Variants in FRMD4A observed in about 807,000 individuals in gnomAD.
The protein encoded by FRMD4A is FERM domain containing 4A, also known as FERM domain-containing protein 4A.
Under a neutral mutation model 129.1 loss-of-function variants are expected in FRMD4A, and 29 were observed. The observed-to-expected ratio is 0.22, with a 90% confidence interval of 0.17 to 0.31. FRMD4A has a LOEUF of 0.31. Among genes scored for constraint, FRMD4A ranks in the 10% least tolerant of loss-of-function variants. FRMD4A has a pLI of 1.00. For synonymous variants in FRMD4A, 634 were observed against 571.6 expected (o/e 1.11, Z -1.56); for missense variants, 1,272 against 1,375.8 (o/e 0.92, Z 1.19).
At chr10:13,809,261 C>T (rs997063521) in intron 4 of FRMD4A, among the ~76,000 whole-genome samples, 2 of 152,166 alleles carry the variant, frequency 1.3e-5, no homozygotes, top group Non-Finnish European at 2.9e-5. Flanking sequence ...ATCACACGTT[C>T]GTTTTTCAAT....
intron 2 of FRMD4A, among the ~76,000 whole-genome samples, chr10:14,263,503 G>A (rs146227621): frequency 6.6e-6 from 1 of 152,188 alleles, no homozygotes; most frequent in Non-Finnish European, 1.5e-5. Flanking sequence ...ATTGCTCATT[G>A]TCAATTGCCT....
intron 5 of FRMD4A, among the ~76,000 whole-genome samples, chr10:13,794,171 C>A (rs538632568): frequency 6.6e-6 from 1 of 152,156 alleles, no homozygotes; most frequent in East Asian, 1.9e-4. Context: ...GCGGATGGAT[C>A]ACCTGAGGTC....
At chr10:13,773,629 A>G (rs1160902126) in intron 6 of FRMD4A, among the ~76,000 whole-genome samples, 1 of 152,244 alleles carries the variant, frequency 6.6e-6, no homozygotes, top group Non-Finnish European at 1.5e-5. Flanking sequence ...TAAAAAAACT[A>G]AACAGACTCT....
intron 2 of FRMD4A, among the ~76,000 whole-genome samples, chr10:14,215,748 G>A (rs1843055383): frequency 6.6e-6 from 1 of 152,114 alleles, no homozygotes. Flanking sequence ...ATGAGCGAAG[G>A]TCTACATTAA....
At chr10:13,992,250 G>A (rs1218882615) in intron 2 of FRMD4A, among the ~76,000 whole-genome samples, 1 of 152,182 alleles carries the variant, frequency 6.6e-6, no homozygotes, top group Admixed American at 6.5e-5. Context: ...GTGGTTCAAG[G>A]GGTTTCTACA....
intron 2 of FRMD4A, among the ~76,000 whole-genome samples, chr10:14,258,720 G>C (rs528527904): frequency 6.6e-6 from 1 of 152,112 alleles, no homozygotes; most frequent in Admixed American, 6.5e-5. Context: ...GAGCAGAAAC[G>C]TTCATAGTTG....
intron 2 of FRMD4A, among the ~76,000 whole-genome samples, chr10:14,060,543 A>G (rs1408469156): frequency 6.6e-6 from 1 of 152,168 alleles, no homozygotes; most frequent in Non-Finnish European, 1.5e-5. Context: ...AGTAGAAGGC[A>G]TTTTCATGTT....
At chr10:14,227,041 T>A (rs1390155469) in intron 2 of FRMD4A, among the ~76,000 whole-genome samples, 1 of 152,030 alleles carries the variant, frequency 6.6e-6, no homozygotes, top group Non-Finnish European at 1.5e-5. Context: ...ACACCCAGCC[T>A]CATGGCTGAC....
At chr10:14,068,398 G>A (rs1835161478) in intron 2 of FRMD4A, among the ~76,000 whole-genome samples, 1 of 152,146 alleles carries the variant, frequency 6.6e-6, no homozygotes, top group Non-Finnish European at 1.5e-5. Context: ...CCTGTGAATT[G>A]CATATTTTAT....
chr10:14,069,989 T>A (rs1013054871), intron 2 of FRMD4A, among the ~76,000 whole-genome samples: 1 of 152,182 alleles, frequency 6.6e-6, no homozygotes, highest in African/African-American at 2.4e-5. Context: ...AATTGCCATA[T>A]GCCTTAAAGA....
chr10:13,789,558 CCACACACACACACACA>C (rs3220780), intron 5 of FRMD4A, among the ~76,000 whole-genome samples: 5 of 144,694 alleles, frequency 3.5e-5, no homozygotes, highest in African/African-American at 1.3e-4. Context: ...TATGAAAAGA[CCACACACACACACACA>C]CACACACACA....
At chr10:13,779,812 C>A (rs149719787) in intron 6 of FRMD4A, among the ~76,000 whole-genome samples, 2 of 149,032 alleles carry the variant, frequency 1.3e-5, no homozygotes, top group Admixed American at 6.7e-5. Flanking sequence ...CAGTGTCTAT[C>A]TCAAAAGGCG....
At chr10:14,205,535 G>A (rs1290624077) in intron 2 of FRMD4A, among the ~76,000 whole-genome samples, 3 of 152,108 alleles carry the variant, frequency 2.0e-5, no homozygotes, top group Non-Finnish European at 4.4e-5. Flanking sequence ...GGCCGGGTGC[G>A]GTGGCTTATG....
At chr10:14,164,638 G>A (rs374923926) in intron 2 of FRMD4A, among the ~76,000 whole-genome samples, 3 of 152,264 alleles carry the variant, frequency 2.0e-5, no homozygotes, top group Non-Finnish European at 2.9e-5. Flanking sequence ...GAAGAAGATG[G>A]AGCCAGTGAA....
intron 2 of FRMD4A, among the ~76,000 whole-genome samples, chr10:14,019,530 T>C (rs75937356): frequency 0.039 from 5,945 of 152,298 alleles, 139 homozygotes; most frequent in Middle Eastern, 0.051. Context: ...CATGTGTTTA[T>C]AGGGAAAGAG....
At chr10:14,307,594 G>C (rs1465611821) in intron 2 of FRMD4A, among the ~76,000 whole-genome samples, 1 of 152,216 alleles carries the variant, frequency 6.6e-6, no homozygotes, top group Non-Finnish European at 1.5e-5. Flanking sequence ...GCTAACTACG[G>C]AAGGAAACCT....
chr10:14,306,242 A>C (rs929222443), intron 2 of FRMD4A, among the ~76,000 whole-genome samples: 3 of 152,246 alleles, frequency 2.0e-5, no homozygotes, highest in Non-Finnish European at 2.9e-5. Context: ...TCCTGTAGGA[A>C]ATTATATACA....
At position 13,692,140 on chromosome 10, in the gene FRMD4A, C is replaced by CTTTTTTTTTTTTTTTTTTTTT. The variant is rs747299123; in HGVS notation, c.1117+1737_1117+1757dup. On this transcript the variant is annotated intron_variant, in intron 15 of 24. Transcript: ENST00000357447. ...CTTGAAGCTTATAAAATTTTAGCAG[C>CTTTTTTTTTTTTTTTTTTTTT]TTTTTTTTTTTTTTTTTTTTTTTTT... 54 of 100,470 alleles carry CTTTTTTTTTTTTTTTTTTTTT rather than the reference C, an allele frequency of 5.4e-4. 27 individuals are homozygous for CTTTTTTTTTTTTTTTTTTTTT. The highest frequency in any genetic ancestry group is 5.3e-4 in the Non-Finnish European group (28 of 52,784). 6.2% of individuals were successfully genotyped at this position (100,470 alleles called of 1,614,324 possible). A position where few individuals can be genotyped will look rare whatever the true frequency, so the allele number is the denominator to read the frequency against.
chr10:13,887,787 G>A (rs759983706), intron 2 of FRMD4A, among the ~76,000 whole-genome samples: 9 of 152,186 alleles, frequency 5.9e-5, no homozygotes, highest in African/African-American at 1.2e-4. Flanking sequence ...TTCTGTAAAC[G>A]TAAGAGAGGA....
Sources: allele counts gnomAD v4.1 joint callset (sites outside exome capture counted in the v4.1 genomes callset), GRCh38; gene constraint gnomAD v4.1.1; transcripts MANE v1.5; gene names NCBI Gene and HGNC (gene_info 2026-07-23, HGNC 2026-07-21).